KEAP1: variants seen among roughly 807,000 people sequenced by gnomAD.
KEAP1 encodes kelch like ECH associated protein 1.
In KEAP1, 26 loss-of-function variants were observed where a neutral mutation model predicts 59.7. That is an observed-to-expected ratio of 0.44 (90% CI 0.32 to 0.60). The LOEUF is 0.60. KEAP1 is among the 20% of genes least tolerant of loss of function. The pLI is 0.06. For missense variants in KEAP1, 539 were observed against 871.4 expected (o/e 0.62, Z 4.80); for synonymous variants, 350 against 358.3 (o/e 0.98, Z 0.26).
At position 10,499,650 on chromosome 19, in the gene KEAP1, G is replaced by A. The variant is rs1404132954; in HGVS notation, c.384C>T (p.Ile128=). The A allele has an allele frequency of 1.2e-6, 2 of 1,614,084 alleles. No homozygotes were observed. The highest frequency in any genetic ancestry group is 1.7e-6 in the Non-Finnish European group (2 of 1,180,042). The change falls in exon 2 of 6, where the codon ATC becomes ATT. Residue 128 remains isoleucine, a synonymous_variant. Coordinates refer to ENST00000171111, the MANE Select transcript of KEAP1 (RefSeq NM_203500.2). The surrounding 1 kb of genome is among the most constrained non-coding windows in gnomAD (Gnocchi z 6.7). Reference sequence around the variant, plus strand: ...TGAGGCGCTCCATGACCTTGGGGTGGATACCCTCAATGGACACCACCTCCA... The same window carrying A: ...TGAGGCGCTCCATGACCTTGGGGTGAATACCCTCAATGGACACCACCTCCA... ...QGMEVVSIEG[I]HPKVMERLIE... is the part of the protein sequence containing the mutation.
chr19:10,489,242 C>G lies in KEAP1; in HGVS notation c.1658G>C (p.Arg553Pro), dbSNP rs142453344. ...GACAGTGATCCCCAGGGCACTTCGC[C>G]GGTGCTTCATGGGGGCTACGAAAGT... ...TWTFVAPMKH[R>P]RSALGITVHQ... The change falls in exon 5 of 6, where the codon CGG becomes CCG. Residue 553 changes from arginine to proline, a missense_variant. Arg to Pro is a moderately radical substitution (Grantham distance 103). This residue lies in a region of KEAP1 where 311 missense variants were observed against 425.2 expected (regional missense o/e 0.73). Coordinates refer to ENST00000171111, the MANE Select transcript of KEAP1 (RefSeq NM_203500.2). The G allele has an allele frequency of 1.9e-6, 3 of 1,612,594 alleles. No homozygotes were observed. Among genetic ancestry groups the G allele is most frequent in the Non-Finnish European group, 2.5e-6 (3 of 1,179,972 alleles).
rs1015079556 is a variant in KEAP1, at chr19:10,486,665, T to G, written c.1862A>C (p.Asn621Thr). 3.7e-6 allele frequency: 6 copies of G among 1,613,962 alleles called. 1 individual carries two copies. In the Middle Eastern group the frequency reaches 9.9e-4, roughly 266 times the overall value. The change falls in exon 6 of 6, where the codon AAC becomes ACC. Residue 621 changes from asparagine (N) to threonine (T), a missense_variant. Physicochemically the swap from Asn to Thr is moderately conservative, Grantham distance 65. Around this residue, in one of 4 missense-constraint regions of KEAP1, gnomAD observed 311 missense variants for 425.2 expected, o/e 0.73. Transcript: ENST00000171111. The stretch of plus-strand genomic sequence containing the variant: ...AACAAAAGTGCCTCAACAGGTACAG[T>G]TCTGCTGGTCAATCTGCTTCCGGCA... ...EPCRKQIDQQ[N>T]CTC is the part of the protein sequence containing the mutation.
In KEAP1 at chr19:10,486,679, C is replaced by T. The variant is rs2144577454; in HGVS notation, c.1848G>A (p.Gln616=). The T allele has an allele frequency of 6.2e-7, 1 of 1,614,124 alleles. No homozygotes were observed. The change falls in exon 6 of 6, where the codon CAG becomes CAA. Residue 616 remains glutamine, a synonymous_variant. Coordinates refer to ENST00000171111, the MANE Select transcript of KEAP1 (RefSeq NM_203500.2). Reference sequence around the variant, plus strand: ...AACAGGTACAGTTCTGCTGGTCAATCTGCTTCCGGCAGGGCTCCATGGTGA... The same window carrying T: ...AACAGGTACAGTTCTGCTGGTCAATTTGCTTCCGGCAGGGCTCCATGGTGA... ...VAVTMEPCRK[Q]IDQQNCTC
At chr19:10,493,601 GC>G in intron 2 of KEAP1, among the ~76,000 whole-genome samples, 1 of 93,220 alleles carries the variant, frequency 1.1e-5, no homozygotes, top group South Asian at 3.7e-4. Flanking sequence ...TCGCTCTTTT[GC>G]CCAGGCCGGA....
chr19:10,493,326 G>GT (rs1412110010), intron 2 of KEAP1, among the ~76,000 whole-genome samples: 2 of 150,066 alleles, frequency 1.3e-5, no homozygotes, highest in Admixed American at 6.7e-5. Context: ...GCCCAGCTAA[G>GT]TTTTTTTGTA....
intron 1 of KEAP1, 142 bp from the exon 2 acceptor site, chr19:10,500,222 A>G: frequency 1.6e-6 from 1 of 623,124 alleles, no homozygotes; most frequent in South Asian, 2.2e-5. Flanking sequence ...CAAACTTGCA[A>G]ACTTCCCCGA....
chr19:10,486,392 C>A lies in KEAP1; in HGVS notation c.*260G>T, dbSNP rs916618936. On this transcript the variant is annotated 3_prime_UTR_variant, in exon 6 of 6. Coordinates refer to ENST00000171111, the MANE Select transcript of KEAP1 (RefSeq NM_203500.2). ...ATTACCCGGCCAGAGGGTTTGGGGG[C>A]CTCTCTCCTGGAAGCCTGCTCTTTC... 8.9e-5 allele frequency: 36 copies of A among 403,188 alleles called. 1 individual carries two copies. The East Asian group carries it at 1.5e-3, about 17-fold the overall frequency. 25.0% of individuals were successfully genotyped at this position (403,188 alleles called of 1,614,324 possible).
At chr19:10,500,193 G>A (rs1010707766) in intron 1 of KEAP1, 113 bp from the exon 2 acceptor site, 3 of 753,982 alleles carry the variant, frequency 4.0e-6, no homozygotes, top group Non-Finnish European at 6.2e-6. Context: ...TGCAAAGTAG[G>A]TGAAGCAGAA....
intron 5 of KEAP1, among the ~76,000 whole-genome samples, chr19:10,487,454 C>G (rs950944762): frequency 2.0e-5 from 3 of 151,944 alleles, no homozygotes; most frequent in African/African-American, 7.3e-5. Context: ...ATCAGGAGTT[C>G]GAGGCCAGCC....
Position 10,500,126 on chromosome 19 carries a change from G to C in KEAP1, c.-47-46C>G, listed in dbSNP as rs1914990865. ...GGCAGAGGGCAGGGGTTGGGACTGG[G>C]CCAGCACCTGCCGGGCCTCGTTTTG... On this transcript the variant is annotated intron_variant, in intron 1 of 5. Coordinates refer to ENST00000171111, the MANE Select transcript of KEAP1 (RefSeq NM_203500.2). 9.1e-6 allele frequency: 12 copies of C among 1,324,500 alleles called. No homozygotes were observed. In the South Asian group the frequency reaches 1.9e-4, roughly 21 times the overall value. 82.0% of individuals were successfully genotyped at this position (1,324,500 alleles called of 1,614,324 possible).
Position 10,488,043 on chromosome 19 carries a change from G to A in KEAP1, c.1708+1149C>T, listed in dbSNP as rs553845116. On this transcript the variant is annotated intron_variant, in intron 5 of 5. Coordinates refer to ENST00000171111, the MANE Select transcript of KEAP1 (RefSeq NM_203500.2). ...CTCGGGAGGCTGAGGGAGGAAAATC[G>A]CTTGAACCTGCCAGGTGGAGGTTGC... Among the ~76,000 whole-genome samples the A allele has an allele frequency of 3.9e-4, 59 of 152,084 alleles. No individual in the cohort carries two copies. In the South Asian group the frequency reaches 5.4e-3, roughly 14 times the overall value.
intron 2 of KEAP1, among the ~76,000 whole-genome samples, chr19:10,497,202 A>G (rs1164878157): frequency 1.3e-5 from 2 of 152,148 alleles, no homozygotes; most frequent in African/African-American, 4.8e-5. Flanking sequence ...TACAAACACA[A>G]GAAAGAAACA....
chr19:10,498,251 G>A (rs777856253), intron 2 of KEAP1, among the ~76,000 whole-genome samples: 48 of 147,310 alleles, frequency 3.3e-4, no homozygotes, highest in Admixed American at 4.2e-4. Context: ...CCAGGCTGGA[G>A]TGCAATGGTG....
In KEAP1 at chr19:10,499,341, G is replaced by A. The variant is rs12985702; in HGVS notation, c.639+54C>T. The A allele has an allele frequency of 6.9e-6, 10 of 1,443,728 alleles. No homozygotes were observed. In the African/African-American group the frequency reaches 9.8e-5, roughly 14 times the overall value. 89.4% of individuals were successfully genotyped at this position (1,443,728 alleles called of 1,614,324 possible). On this transcript the variant is annotated intron_variant, in intron 2 of 5. Coordinates refer to ENST00000171111, the MANE Select transcript of KEAP1 (RefSeq NM_203500.2). This position sits in a 1 kb window ranked among gnomAD's most constrained non-coding sequence, Gnocchi z 6.7. ...CAAGGGGAGACAGTGATGAGCACTC[G>A]TCCATCCCTGGTCCTTCTCCTGACA...
rs570960095 is a variant in KEAP1 at position 10,497,637 on chromosome 19, A to G, written c.639+1758T>C. Among the ~76,000 whole-genome samples, 10 of 152,338 alleles carry G rather than the reference A, an allele frequency of 6.6e-5. No individual in the cohort carries two copies. In the South Asian group the frequency reaches 1.2e-3, roughly 19 times the overall value. On this transcript the variant is annotated intron_variant, in intron 2 of 5. Coordinates refer to ENST00000171111, the MANE Select transcript of KEAP1 (RefSeq NM_203500.2). ...GGTGCTTCATACCTGTAATCCCAAC[A>G]CTACGGGAGGCCAAAGCCAGAGGAT... is the stretch of plus-strand genomic sequence containing the variant.
rs78393943 is a variant in KEAP1, at chr19:10,499,245, A to T, written c.639+150T>A. The stretch of plus-strand genomic sequence containing the variant: ...AGCAATCCCCCCGCCTCAGCCCCTC[A>T]AACTGTGGAGACTACACCACCATAC... On this transcript the variant is annotated intron_variant, in intron 2 of 5. Coordinates refer to ENST00000171111, the MANE Select transcript of KEAP1 (RefSeq NM_203500.2). This position sits in a 1 kb window ranked among gnomAD's most constrained non-coding sequence, Gnocchi z 6.7. 6.9e-4 allele frequency: 505 copies of T among 729,648 alleles called. 4 individuals carry two copies. The East Asian group carries it at 0.011, about 16-fold the overall frequency. The allele number at this position is 729,648 out of a possible 1,614,324, so 45.2% of individuals were successfully genotyped here.
Position 10,500,061 on chromosome 19 carries a change from C to A in KEAP1, c.-28G>T. On this transcript the variant is annotated 5_prime_UTR_variant, in exon 2 of 6. Transcript: ENST00000171111. ...GGTTCCAGAAGATAAGCAACACCAC[C>A]ACCTCTGGCACTCAGGGACCTGGAG... is the stretch of plus-strand genomic sequence containing the variant. 6.6e-7 allele frequency: 1 copy of A among 1,525,148 alleles called. No individual in the cohort carries two copies. The highest frequency in any genetic ancestry group is 8.8e-7 in the Non-Finnish European group (1 of 1,136,706). 94.5% of individuals were successfully genotyped at this position (1,525,148 alleles called of 1,614,324 possible). A position where few individuals can be genotyped will look rare whatever the true frequency, so the allele number is the denominator to read the frequency against.
intron 3 of KEAP1, 56 bp from the exon 4 acceptor site, chr19:10,489,909 A>C (rs1406803531): frequency 2.0e-6 from 3 of 1,504,678 alleles, no homozygotes; most frequent in Non-Finnish European, 2.7e-6. Flanking sequence ...CCTTCGTGGA[A>C]TACTTAAGGG....
intron 4 of KEAP1, 76 bp downstream of exon 4, chr19:10,489,572 C>T: frequency 6.5e-7 from 1 of 1,538,194 alleles, no homozygotes; most frequent in Non-Finnish European, 8.9e-7. Context: ...GGGGTCTCTC[C>T]CAGGCCTGGC....
Sources: gnomAD v4.1 joint callset for allele counts (sites outside exome capture counted in the v4.1 genomes callset) on GRCh38, gnomAD v4.1.1 for gene constraint, gnomAD v4.1.1 regional missense constraint, Gnocchi (gnomAD v3.1) non-coding constraint, MANE v1.5 for transcripts, NCBI Gene and HGNC (gene_info 2026-07-23, HGNC 2026-07-21) for gene names.